Variants in PTPN23 observed in about 807,000 individuals in gnomAD.
PTPN23 encodes the protein tyrosine-protein phosphatase non-receptor type 23.
In PTPN23, 72 loss-of-function variants were observed where a neutral mutation model predicts 156.3. The ratio of observed to expected loss-of-function variants is 0.46; its 90% CI spans 0.38 to 0.56. PTPN23 has a LOEUF of 0.56. Among genes scored for constraint, PTPN23 ranks in the 20% least tolerant of loss-of-function variants. The pLI is 0.00. For missense variants in PTPN23, 1,974 were observed against 2,171.5 expected (o/e 0.91, Z 1.81); for synonymous variants, 957 against 899.6 (o/e 1.06, Z -1.14).
At position 47,410,692 on chromosome 3, in the gene PTPN23, A is replaced by G; in HGVS notation, c.2894A>G (p.Gln965Arg). The G allele has an allele frequency of 6.2e-7, 1 of 1,600,600 alleles. No homozygotes were observed. The highest frequency in any genetic ancestry group is 8.5e-7 in the Non-Finnish European group (1 of 1,175,532). ...PQPHPQPHPS[Q>R]AFGPQPPQQP... is the part of the protein sequence containing the mutation. ...CCCCATCCTCAGCCCCATCCTTCAC[A>G]AGCGTTTGGGCCTCAGCCCCCACAG... The change falls in exon 20 of 25, where the codon CAA becomes CGA. Residue 965 changes from glutamine to arginine, a missense_variant. Transcript: ENST00000265562.
Position 47,406,550 on chromosome 3 carries a change from A to C in PTPN23, c.697A>C (p.Ile233Leu), listed in dbSNP as rs751243185. ...CGACACTGCCTCACTGCTGGGCCGG[A>C]TCCAGAAGGACTGGAAGAAACTTGT... Reference protein sequence around the residue: ...NPDTASLLGRIQKDWKKLVQM... With the variant: ...NPDTASLLGRLQKDWKKLVQM... Residue 233 changes from isoleucine (I) to leucine (L), a missense_variant, in exon 8 of 25, where the codon ATC (isoleucine) becomes CTC (leucine). This residue lies in a region of PTPN23 where 726 missense variants were observed against 929.5 expected (regional missense o/e 0.78). Transcript: ENST00000265562. The surrounding 1 kb of genome is among the most constrained non-coding windows in gnomAD (Gnocchi z 5.8). The C allele has an allele frequency of 1.2e-6, 2 of 1,613,984 alleles. No homozygotes were observed. The highest frequency in any genetic ancestry group is 1.7e-6 in the Non-Finnish European group (2 of 1,180,008).
chr3:47,402,294 A>ATTC (rs981947288), intron 2 of PTPN23, among the ~76,000 whole-genome samples: 1 of 152,000 alleles, frequency 6.6e-6, no homozygotes, highest in Non-Finnish European at 1.5e-5. Context: ...TATTATTATT[A>ATTC]TTTGAGACCG....
rs202080342 is a variant in PTPN23, at chr3:47,407,535, C to T, written c.954C>T (p.Phe318=). 1.4e-4 allele frequency: 233 copies of T among 1,614,084 alleles called. 1 individual carries two copies. The highest frequency in any genetic ancestry group is 1.8e-4 in the Non-Finnish European group (210 of 1,179,978). Residue 318 remains phenylalanine (F), a synonymous_variant, in exon 12 of 25, where the codon TTC becomes TTT. Coordinates refer to ENST00000265562, the MANE Select transcript of PTPN23 (RefSeq NM_015466.4). This position sits in a 1 kb window ranked among gnomAD's most constrained non-coding sequence, Gnocchi z 4.0. The stretch of plus-strand genomic sequence containing the variant: ...ATTCTGCCAAGAAGGACAACGACTT[C>T]ATTTACCATGAGGCTGTCCCAGCAT... The part of the protein sequence containing the change: ...KYNSAKKDND[F]IYHEAVPALD...
chr3:47,386,157 C>T (rs1704647988), intron 1 of PTPN23, among the ~76,000 whole-genome samples: 1 of 151,984 alleles, frequency 6.6e-6, no homozygotes, highest in Non-Finnish European at 1.5e-5. Flanking sequence ...ACAGAGTGCA[C>T]GCTGGTTTTT....
In PTPN23 at chr3:47,407,618, G is replaced by A. The variant is rs201493035; in HGVS notation, c.1003+34G>A. 3.9e-4 allele frequency: 628 copies of A among 1,606,218 alleles called. No individual in the cohort carries two copies. Among genetic ancestry groups the A allele is most frequent in the Admixed American group, 6.3e-4 (38 of 59,990 alleles). On this transcript the variant is annotated intron_variant, in intron 12 of 24. Coordinates refer to ENST00000265562, the MANE Select transcript of PTPN23 (RefSeq NM_015466.4). The surrounding 1 kb of genome is among the most constrained non-coding windows in gnomAD (Gnocchi z 4.0). ...GCTGAGAGGTGGGGGCAGAGGTGAC[G>A]GTGGGGTGGGGACAGGACACAGGAG...
At chr3:47,396,332 T>A (rs775532309) in intron 2 of PTPN23, 115 bp downstream of exon 2, 44 of 753,704 alleles carry the variant, frequency 5.8e-5, no homozygotes, top group Non-Finnish European at 8.4e-5. Flanking sequence ...CCCACCACTT[T>A]GGGAGGCCGA....
chr3:47,381,104 C>T lies in PTPN23; in HGVS notation c.8C>T (p.Ala3Val). ...CGGCGGGTGCCAGCCGCCATGGAGGCCGTGCCCCGCATGCCCATGATCTGG... is the reference window on the plus strand; with the variant it reads ...CGGCGGGTGCCAGCCGCCATGGAGGTCGTGCCCCGCATGCCCATGATCTGG... Reference protein sequence around the residue: MEAVPRMPMIWLD... With the variant: MEVVPRMPMIWLD... Residue 3 changes from alanine to valine, a missense_variant, in exon 1 of 25, where the codon GCC becomes GTC. Physicochemically the swap from Ala to Val is moderately conservative, Grantham distance 64. Coordinates refer to ENST00000265562, the MANE Select transcript of PTPN23 (RefSeq NM_015466.4). 6.3e-7 allele frequency: 1 copy of T among 1,576,964 alleles called. No individual in the cohort carries two copies. The highest frequency in any genetic ancestry group is 8.6e-7 in the Non-Finnish European group (1 of 1,162,532).
rs763887385 is a variant in PTPN23 at position 47,412,380 on chromosome 3, C to T, written c.4276C>T (p.Arg1426Trp). The T allele has an allele frequency of 5.0e-6, 8 of 1,613,098 alleles. No individual in the cohort carries two copies. Among genetic ancestry groups the T allele is most frequent in the African/African-American group, 1.3e-5 (1 of 75,054 alleles). ...AATCCCTGAGCTGCCTCAGCTGGTG[C>T]GGCGCATGCGGCAGCAGAGAAAGCA... ...NGIPELPQLVRRMRQQRKHML... is the reference protein window; with the variant it reads ...NGIPELPQLVWRMRQQRKHML... The change falls in exon 23 of 25, where the codon CGG becomes TGG. Residue 1426 changes from arginine to tryptophan, a missense_variant. This residue lies in a region of PTPN23 where 484 missense variants were observed against 516.0 expected (regional missense o/e 0.94). Coordinates refer to ENST00000265562, the MANE Select transcript of PTPN23 (RefSeq NM_015466.4).
intron 14 of PTPN23, 24 bp from the exon 15 acceptor site, chr3:47,408,321 A>G: frequency 6.2e-7 from 1 of 1,609,690 alleles, no homozygotes; most frequent in Non-Finnish European, 8.5e-7. Flanking sequence ...CCCAGCACCC[A>G]CCTGGCCCTG....
intron 1 of PTPN23, among the ~76,000 whole-genome samples, chr3:47,388,436 G>A (rs1183500351): frequency 1.3e-5 from 2 of 151,748 alleles, no homozygotes; most frequent in African/African-American, 2.4e-5. Context: ...AAACACCTGG[G>A]CTTAAGTAGG....
At position 47,407,420 on chromosome 3, in the gene PTPN23, C is replaced by T. The variant is rs1390851583; in HGVS notation, c.923+53C>T. On this transcript the variant is annotated intron_variant, in intron 11 of 24. Coordinates refer to ENST00000265562, the MANE Select transcript of PTPN23 (RefSeq NM_015466.4). This position sits in a 1 kb window ranked among gnomAD's most constrained non-coding sequence, Gnocchi z 4.0. ...CCTCTTTTTGTGAAGGGTCTTGTCC[C>T]TCTGCTGGCATCTACATGGGAAGTA... 14 of 1,610,042 alleles carry T rather than the reference C, an allele frequency of 8.7e-6. No homozygotes were observed. In the Admixed American group the frequency reaches 2.3e-4, roughly 27 times the overall value.
rs1450273441 is a variant in PTPN23 at position 47,413,413 on chromosome 3, A to ATAAT, written c.*229_*232dup. ...CATTTTTCAGCTCTTTGCTATTGAA[A>ATAAT]TAATAAACCACCCTGTTCTGTGGCC... On this transcript the variant is annotated 3_prime_UTR_variant, in exon 25 of 25. Transcript: ENST00000265562. 5.1e-6 allele frequency: 3 copies of ATAAT among 592,236 alleles called. No homozygotes were observed. The highest frequency in any genetic ancestry group is 2.9e-5 in the East Asian group (1 of 35,016). 36.7% of individuals were successfully genotyped at this position (592,236 alleles called of 1,614,324 possible). A position where few individuals can be genotyped will look rare whatever the true frequency, so the allele number is the denominator to read the frequency against.
intron 1 of PTPN23, among the ~76,000 whole-genome samples, chr3:47,391,395 T>C (rs968061354): frequency 6.6e-6 from 1 of 152,220 alleles, no homozygotes; most frequent in African/African-American, 2.4e-5. Flanking sequence ...GTGAATACCC[T>C]AACTCTTTGC....
chr3:47,397,354 C>A (rs928006837), intron 2 of PTPN23, among the ~76,000 whole-genome samples: 2 of 152,218 alleles, frequency 1.3e-5, no homozygotes, highest in Non-Finnish European at 2.9e-5. Flanking sequence ...CTGTAAAAAA[C>A]ACAGCACCTG....
At position 47,382,680 on chromosome 3, in the gene PTPN23, CTTTTTTTTTTTT is replaced by C. The variant is rs71098482; in HGVS notation, c.84+1515_84+1526del. Reference sequence around the variant, plus strand: ...AGAACTCCTGTTTTCTTTTTCTTTTCTTTTTTTTTTTTTTTTTTTTTTTTTTGAGACGGAGTC... The same window carrying C: ...AGAACTCCTGTTTTCTTTTTCTTTTCTTTTTTTTTTTTTTGAGACGGAGTC... On this transcript the variant is annotated intron_variant, in intron 1 of 24. Coordinates refer to ENST00000265562, the MANE Select transcript of PTPN23 (RefSeq NM_015466.4). Among the ~76,000 whole-genome samples the C allele has an allele frequency of 3.3e-3, 195 of 58,664 alleles. 8 individuals carry two copies. Among genetic ancestry groups the C allele is most frequent in the Admixed American group, 0.011 (40 of 3,780 alleles). 38.5% of individuals were successfully genotyped at this position (58,664 alleles called of 152,430 possible).
intron 1 of PTPN23, among the ~76,000 whole-genome samples, chr3:47,388,882 C>T (rs749052844): frequency 1.3e-5 from 2 of 152,100 alleles, no homozygotes; most frequent in Non-Finnish European, 2.9e-5. Flanking sequence ...ACAGGGTGGT[C>T]TCGAACTCCT....
chr3:47,396,597 C>G (rs1704884633), intron 2 of PTPN23, among the ~76,000 whole-genome samples: 1 of 151,804 alleles, frequency 6.6e-6, no homozygotes, highest in Non-Finnish European at 1.5e-5. Context: ...AAAGAAACCA[C>G]CTGGCCCTTT....
At chr3:47,403,035 A>G (rs910528184) in intron 2 of PTPN23, among the ~76,000 whole-genome samples, 3 of 149,052 alleles carry the variant, frequency 2.0e-5, no homozygotes, top group Non-Finnish European at 4.4e-5. Flanking sequence ...CAGTATTTGT[A>G]TGATCCCATT....
rs1705299378 is a variant in PTPN23 at position 47,411,754 on chromosome 3, A to C, written c.3889-29A>C. ...GCAGGGCAGGGGATCCTGGAAAACCAGGTCTGTCTTGGCTTATCTGTCCCT... is the reference window on the plus strand; with the variant it reads ...GCAGGGCAGGGGATCCTGGAAAACCCGGTCTGTCTTGGCTTATCTGTCCCT... On this transcript the variant is annotated intron_variant, in intron 20 of 24. Transcript: ENST00000265562. This position sits in a 1 kb window ranked among gnomAD's most constrained non-coding sequence, Gnocchi z 6.3. 6 of 1,593,066 alleles carry C rather than the reference A, an allele frequency of 3.8e-6. No individual in the cohort carries two copies. The highest frequency in any genetic ancestry group is 5.1e-6 in the Non-Finnish European group (6 of 1,165,960).
Sources: allele counts gnomAD v4.1 joint callset (sites outside exome capture counted in the v4.1 genomes callset), GRCh38; gene constraint gnomAD v4.1.1; regional missense constraint gnomAD v4.1.1; non-coding constraint Gnocchi (gnomAD v3.1); transcripts MANE v1.5; gene names NCBI Gene and HGNC (gene_info 2026-07-23, HGNC 2026-07-21).